Variants in CNTROB observed in about 807,000 individuals in gnomAD.
The protein encoded by CNTROB is centrobin, centriole duplication and spindle assembly protein.
Under a neutral mutation model 115.7 loss-of-function variants are expected in CNTROB, and 82 were observed. The ratio of observed to expected loss-of-function variants is 0.71; its 90% CI spans 0.59 to 0.85. The LOEUF (loss-of-function observed/expected upper bound fraction) is 0.85, where lower values mean the gene tolerates loss of function less well. Ranked by LOEUF, CNTROB falls within the 40% of genes least tolerant of loss-of-function variation. The probability of loss-of-function intolerance (pLI) is 0.00; values close to 1 mark genes in which losing one functional copy is unlikely to be tolerated. For missense variants in CNTROB, 1,014 were observed against 1,144.4 expected (o/e 0.89, Z 1.64); for synonymous variants, 439 against 456.4 (o/e 0.96, Z 0.49).
Position 7,940,133 on chromosome 17 carries a change from C to T in CNTROB, c.1202C>T (p.Thr401Ile). The T allele has an allele frequency of 2.5e-6, 4 of 1,612,256 alleles. No individual in the cohort carries two copies. Among genetic ancestry groups the T allele is most frequent in the South Asian group, 1.1e-5 (1 of 90,876 alleles). The stretch of plus-strand genomic sequence containing the variant: ...AGGGAAGCCCAGGCCGCCTGGGAGA[C>T]CCAGCACCAGTTGGCATTGGTGCAG... ...SQREAQAAWE[T>I]QHQLALVQSE... The change falls in exon 9 of 19, where the codon ACC becomes ATC. Residue 401 changes from threonine to isoleucine, a missense_variant. Transcript: ENST00000563694.
intron 4 of CNTROB, among the ~76,000 whole-genome samples, chr17:7,935,461 C>T (rs1258620328): frequency 2.6e-5 from 4 of 151,356 alleles, no homozygotes; most frequent in Non-Finnish European, 4.4e-5. Flanking sequence ...GAGATCATGC[C>T]GCTGCACTCC....
Position 7,948,558 on chromosome 17 carries a change from G to C in CNTROB, c.2452G>C (p.Gly818Arg), listed in dbSNP as rs1401316953. The C allele has an allele frequency of 3.1e-6, 5 of 1,614,070 alleles. No homozygotes were observed. The South Asian group carries it at 4.4e-5, about 14-fold the overall frequency. ...SQLLRLYQAR[G>R]WGALPAEDLL... ...ACTGTTGCGACTCTACCAGGCTCGGGGCTGGGGGGCTCTGCCTGCTGAGGA... is the reference window on the plus strand; with the variant it reads ...ACTGTTGCGACTCTACCAGGCTCGGCGCTGGGGGGCTCTGCCTGCTGAGGA... Residue 818 changes from glycine to arginine, a missense_variant, in exon 17 of 19, where the codon GGC becomes CGC. Transcript: ENST00000563694. The surrounding 1 kb of genome is among the most constrained non-coding windows in gnomAD (Gnocchi z 4.4).
In CNTROB at chr17:7,947,945, G is replaced by A; in HGVS notation, c.2175G>A (p.Glu725=). 6.2e-7 allele frequency: 1 copy of A among 1,614,066 alleles called. No individual in the cohort carries two copies. Among genetic ancestry groups the A allele is most frequent in the Non-Finnish European group, 8.5e-7 (1 of 1,179,998 alleles). ...TGGAGACAGTGCCCCAGAACAATGA[G>A]AACCCTTCTGTCGACCTGTTGCCCC... ...QLLETVPQNN[E]NPSVDLLPPK... The change falls in exon 15 of 19, where the codon GAG becomes GAA. Residue 725 remains glutamate (E), a synonymous_variant. Transcript: ENST00000563694.
Position 7,943,812 on chromosome 17 carries a change from G to T in CNTROB, c.1445+288G>T, listed in dbSNP as rs1201373855. Among the ~76,000 whole-genome samples the T allele has an allele frequency of 2.0e-5, 3 of 152,192 alleles. No individual in the cohort carries two copies. Among genetic ancestry groups the T allele is most frequent in the African/African-American group, 7.2e-5 (3 of 41,442 alleles). On this transcript the variant is annotated intron_variant, in intron 10 of 18. Coordinates refer to ENST00000563694, the MANE Select transcript of CNTROB (RefSeq NM_053051.5). This position sits in a 1 kb window ranked among gnomAD's most constrained non-coding sequence, Gnocchi z 4.7. ...GCTCCCTCACTGGGACAGTGCTGAG[G>T]TATGACCTGTGCTGTCTCCAGAGCT...
chr17:7,947,139 C>T (rs1466185353), intron 13 of CNTROB, among the ~76,000 whole-genome samples: 2 of 139,540 alleles, frequency 1.4e-5, no homozygotes, highest in Non-Finnish European at 3.0e-5. Context: ...TCAGCCTGGG[C>T]GACAGAGCGA....
rs899123807 is a variant in CNTROB, at chr17:7,949,010, G to C, written c.2514-75G>C. 3.7e-6 allele frequency: 6 copies of C among 1,611,424 alleles called. No homozygotes were observed. The Admixed American group carries it at 1.0e-4, about 27-fold the overall frequency. ...TATTCTTAAGAGATAGAATTGGGGA[G>C]TAGTTCTTCCATCCAGTATTGGGTA... On this transcript the variant is annotated intron_variant, in intron 17 of 18. Transcript: ENST00000563694.
In CNTROB at chr17:7,932,913, C is replaced by A. The variant is rs374600059; in HGVS notation, c.-167C>A. ...CATGGCCCCTGGAACTGGTGGAAACCTTTCCTCTAACCAGAAAGCCTCGAT... is the reference window on the plus strand; with the variant it reads ...CATGGCCCCTGGAACTGGTGGAAACATTTCCTCTAACCAGAAAGCCTCGAT... On this transcript the variant is annotated 5_prime_UTR_variant, in exon 1 of 19. Transcript: ENST00000563694. 7 of 730,340 alleles carry A rather than the reference C, an allele frequency of 9.6e-6. 1 individual carries two copies. Among genetic ancestry groups the A allele is most frequent in the South Asian group, 9.4e-5 (5 of 53,460 alleles). 45.2% of individuals were successfully genotyped at this position (730,340 alleles called of 1,614,324 possible).
Position 7,945,908 on chromosome 17 carries a change from C to T in CNTROB, c.1915C>T (p.Leu639Phe). Residue 639 changes from leucine (L) to phenylalanine (F), a missense_variant, in exon 13 of 19, where the codon CTC (leucine) becomes TTC (phenylalanine). Coordinates refer to ENST00000563694, the MANE Select transcript of CNTROB (RefSeq NM_053051.5). ...TTGCAGTTCCTCCTCAGATCTTAGCCTCCTGTTGGGCCCCTCTTTTCAGAG... is the reference window on the plus strand; with the variant it reads ...TTGCAGTTCCTCCTCAGATCTTAGCTTCCTGTTGGGCCCCTCTTTTCAGAG... ...VLCSSSSDLS[L>F]LLGPSFQSQH... 6.2e-7 allele frequency: 1 copy of T among 1,614,186 alleles called. No homozygotes were observed. The highest frequency in any genetic ancestry group is 1.1e-5 in the South Asian group (1 of 91,092).
At position 7,944,527 on chromosome 17, in the gene CNTROB, G is replaced by C; in HGVS notation, c.1623G>C (p.Gln541His). The change falls in exon 12 of 19, where the codon CAG (glutamine) becomes CAC (histidine). Residue 541 changes from glutamine (Q) to histidine (H), a missense_variant. By Grantham distance (24) the Gln-to-His change is conservative. Transcript: ENST00000563694. This position sits in a 1 kb window ranked among gnomAD's most constrained non-coding sequence, Gnocchi z 4.0. ...GCGAACTGCAGAGTGGGAACCAGCA[G>C]CTGGAGGAGCAGCGGGTGGAGCTGG... ...RVCELQSGNQQLEEQRVELVE... is the reference protein window; with the variant it reads ...RVCELQSGNQHLEEQRVELVE... 1 of 1,614,162 alleles carries C rather than the reference G, an allele frequency of 6.2e-7. No individual in the cohort carries two copies. Among genetic ancestry groups the C allele is most frequent in the Non-Finnish European group, 8.5e-7 (1 of 1,180,014 alleles).
chr17:7,945,133 C>A (rs1974368192), intron 12 of CNTROB, among the ~76,000 whole-genome samples: 1 of 152,086 alleles, frequency 6.6e-6, no homozygotes, highest in African/African-American at 2.4e-5. Context: ...AAAATTGTTG[C>A]CAAGTCCTGC....
intron 12 of CNTROB, chr17:7,945,425 G>T (rs970808025): frequency 4.1e-6 from 1 of 245,120 alleles, no homozygotes; most frequent in Admixed American, 5.3e-5. Flanking sequence ...TTGAGACAAG[G>T]TCTCACTCTG....
Position 7,939,372 on chromosome 17 carries a change from G to A in CNTROB, c.928-141G>A. 1.4e-6 allele frequency: 1 copy of A among 736,264 alleles called. No homozygotes were observed. Among genetic ancestry groups the A allele is most frequent in the South Asian group, 1.7e-5 (1 of 59,594 alleles). The allele number at this position is 736,264 out of a possible 1,614,324, so 45.6% of individuals were successfully genotyped here. A position where few individuals can be genotyped will look rare whatever the true frequency, so the allele number is the denominator to read the frequency against. ...GCCTCCCAAAATGCTGGGATTACAG[G>A]TGTGAGCCACCGCACCCGGCCTAAT... On this transcript the variant is annotated intron_variant, in intron 7 of 18. Transcript: ENST00000563694. This position sits in a 1 kb window ranked among gnomAD's most constrained non-coding sequence, Gnocchi z 4.4.
intron 2 of CNTROB, 65 bp downstream of exon 2, chr17:7,934,287 A>G (rs1159907678): frequency 6.6e-7 from 1 of 1,507,106 alleles, no homozygotes; most frequent in Non-Finnish European, 9.2e-7. Context: ...GAGAAAGTGG[A>G]CAGAGGAAGC....
intron 5 of CNTROB, 38 bp downstream of exon 5, chr17:7,936,520 A>G (rs1598067182): frequency 1.2e-6 from 1 of 845,008 alleles, no homozygotes; most frequent in East Asian, 2.4e-5. Flanking sequence ...TCTCTCCATG[A>G]AGAGCATTAA....
In CNTROB at chr17:7,948,109, G is replaced by C; in HGVS notation, c.2210-48G>C. On this transcript the variant is annotated intron_variant, in intron 15 of 18. Transcript: ENST00000563694. The surrounding 1 kb of genome is among the most constrained non-coding windows in gnomAD (Gnocchi z 4.4). ...AAATGCTGGGTGGTGGGACTTCCTT[G>C]GTTCTATGCCCCATTTCCTGATTCT... is the stretch of plus-strand genomic sequence containing the variant. The C allele has an allele frequency of 1.2e-6, 2 of 1,610,392 alleles. No individual in the cohort carries two copies. Among genetic ancestry groups the C allele is most frequent in the East Asian group, 4.5e-5 (2 of 44,862 alleles).
Position 7,939,522 on chromosome 17 carries a change from A to G in CNTROB, c.937A>G (p.Arg313Gly). The part of the protein sequence containing the change: ...QRERETLEEE[R>G]QALTLRLEAE... ...TCTTCTGCGGCTGTAGGAGGAGGAA[A>G]GGCAAGCTCTGACTCTGAGGTTGGA... is the stretch of plus-strand genomic sequence containing the variant. Residue 313 changes from arginine (R) to glycine (G), a missense_variant, in exon 8 of 19, where the codon AGG (arginine) becomes GGG (glycine). Coordinates refer to ENST00000563694, the MANE Select transcript of CNTROB (RefSeq NM_053051.5). The surrounding 1 kb of genome is among the most constrained non-coding windows in gnomAD (Gnocchi z 4.4). 1 of 1,613,970 alleles carries G rather than the reference A, an allele frequency of 6.2e-7. No homozygotes were observed. Among genetic ancestry groups the G allele is most frequent in the Non-Finnish European group, 8.5e-7 (1 of 1,179,862 alleles).
At chr17:7,946,429 T>C (rs1272816593) in intron 13 of CNTROB, among the ~76,000 whole-genome samples, 1 of 39,538 alleles carries the variant, frequency 2.5e-5, no homozygotes, top group Non-Finnish European at 5.0e-5. Flanking sequence ...GTGTCTCAGT[T>C]TTTTTAGGTC....
Position 7,936,376 on chromosome 17 carries a change from G to T in CNTROB, c.605G>T (p.Arg202Leu), listed in dbSNP as rs61747003. The T allele has an allele frequency of 4.3e-3, 6,177 of 1,426,034 alleles. 220 individuals carry two copies. In the African/African-American group the frequency reaches 0.074, roughly 17 times the overall value. The allele number at this position is 1,426,034 out of a possible 1,614,324, so 88.3% of individuals were successfully genotyped here. Residue 202 changes from arginine (R) to leucine (L), a missense_variant, in exon 5 of 19, where the codon CGC (arginine) becomes CTC (leucine). Transcript: ENST00000563694. Reference sequence around the variant, plus strand: ...CACCCTTTTCCCCAGCATTGTGAGCGCCATATTCAGAGCCTGCAGACCCGA... The same window carrying T: ...CACCCTTTTCCCCAGCATTGTGAGCTCCATATTCAGAGCCTGCAGACCCGA... The part of the protein sequence containing the change: ...SEHTRRKHCE[R>L]HIQSLQTRVL...
rs1326478157 is a variant in CNTROB, at chr17:7,948,266, C to G, written c.2319C>G (p.Val773=). ...CCATGGCATCCAGTCTTTTCCGGGT[C>G]CCTGAGCCTCCCTCCTCCCATTCAC... is the stretch of plus-strand genomic sequence containing the variant. ...PLAMASSLFR[V]PEPPSSHSQG... Residue 773 remains valine, a synonymous_variant, in exon 16 of 19, where the codon GTC becomes GTG. Transcript: ENST00000563694. This position sits in a 1 kb window ranked among gnomAD's most constrained non-coding sequence, Gnocchi z 4.4. The G allele has an allele frequency of 2.5e-6, 4 of 1,614,138 alleles. No individual in the cohort carries two copies. Among genetic ancestry groups the G allele is most frequent in the Non-Finnish European group, 3.4e-6 (4 of 1,180,032 alleles).
Sources: allele counts gnomAD v4.1 joint callset (sites outside exome capture counted in the v4.1 genomes callset), GRCh38; gene constraint gnomAD v4.1.1; non-coding constraint Gnocchi (gnomAD v3.1); transcripts MANE v1.5; gene names NCBI Gene and HGNC (gene_info 2026-07-23, HGNC 2026-07-21).